GPC6: variants seen among roughly 807,000 people sequenced by gnomAD.
The protein encoded by GPC6 is glypican-6.
In GPC6, 14 loss-of-function variants were observed where a neutral mutation model predicts 55.2. The ratio of observed to expected loss-of-function variants is 0.25; its 90% CI spans 0.17 to 0.40. The LOEUF is 0.40. GPC6 is among the 10% of genes least tolerant of loss of function. The pLI is 1.00. For synonymous variants in GPC6, 278 were observed against 259.6 expected, an observed-to-expected ratio of 1.07 and a Z score of -0.68; for missense variants, 641 against 708.5, an observed-to-expected ratio of 0.90 and a Z score of 1.08.
chr13:93,707,040 G>C (rs1882876763), intron 2 of GPC6, among the ~76,000 whole-genome samples: 1 of 151,764 alleles, frequency 6.6e-6, no homozygotes, highest in East Asian at 1.9e-4. Flanking sequence ...TTCTGCTTTT[G>C]TTCTCTATTT....
intron 1 of GPC6, among the ~76,000 whole-genome samples, chr13:93,394,051 C>T (rs771844695): frequency 1.3e-5 from 2 of 152,168 alleles, no homozygotes; most frequent in African/African-American, 4.8e-5. Flanking sequence ...GTCATGTTCT[C>T]CTGAATGGAA....
At chr13:94,179,929 C>G (rs965184303) in intron 4 of GPC6, among the ~76,000 whole-genome samples, 6 of 152,026 alleles carry the variant, frequency 3.9e-5, no homozygotes, top group Non-Finnish European at 2.9e-5. Flanking sequence ...TGTTGCTATT[C>G]GTATTCAAAG....
intron 1 of GPC6, among the ~76,000 whole-genome samples, chr13:93,307,862 G>T (rs1878912096): frequency 1.3e-5 from 2 of 152,120 alleles, no homozygotes; most frequent in Non-Finnish European, 2.9e-5. Flanking sequence ...AATGATGACT[G>T]CAAGTTAAAG....
At chr13:94,027,599 A>T in intron 3 of GPC6, 130 bp from the exon 4 acceptor site, 4 of 796,962 alleles carry the variant, frequency 5.0e-6, no homozygotes, top group Non-Finnish European at 8.4e-6. Flanking sequence ...CAGGAATTGG[A>T]TGGATTCAAG....
At chr13:93,591,479 A>G (rs1181834338) in intron 2 of GPC6, among the ~76,000 whole-genome samples, 1 of 152,142 alleles carries the variant, frequency 6.6e-6, no homozygotes, top group Admixed American at 6.5e-5. Flanking sequence ...AAAAAAAAAA[A>G]AAAAAAGGAA....
intron 4 of GPC6, among the ~76,000 whole-genome samples, chr13:94,052,102 A>G (rs1883969246): frequency 6.6e-6 from 1 of 152,216 alleles, no homozygotes; most frequent in South Asian, 2.1e-4. Context: ...TAAATAAAGC[A>G]TCATGTTAAT....
At chr13:93,575,426 G>A (rs933422117) in intron 2 of GPC6, among the ~76,000 whole-genome samples, 4 of 152,096 alleles carry the variant, frequency 2.6e-5, no homozygotes, top group Admixed American at 6.6e-5. Context: ...GAATCACTTG[G>A]AGGGCTTGTT....
intron 2 of GPC6, among the ~76,000 whole-genome samples, chr13:93,815,036 A>G (rs1425141306): frequency 6.6e-6 from 1 of 152,202 alleles, no homozygotes; most frequent in African/African-American, 2.4e-5. Flanking sequence ...AGATTTTTAA[A>G]TAAGTTCCCT....
At chr13:94,018,853 C>T (rs542808168) in intron 3 of GPC6, among the ~76,000 whole-genome samples, 1 of 152,178 alleles carries the variant, frequency 6.6e-6, no homozygotes, top group African/African-American at 2.4e-5. Context: ...ACTGCATATG[C>T]AAGGGATCTA....
intron 3 of GPC6, among the ~76,000 whole-genome samples, chr13:93,996,294 G>A (rs1237899529): frequency 1.3e-5 from 2 of 152,280 alleles, no homozygotes; most frequent in Admixed American, 6.5e-5. Flanking sequence ...ATGAATACAG[G>A]CCCCTTTGGG....
intron 6 of GPC6, among the ~76,000 whole-genome samples, chr13:94,363,707 G>A (rs1487700433): frequency 6.6e-6 from 1 of 152,118 alleles, no homozygotes; most frequent in Non-Finnish European, 1.5e-5. Flanking sequence ...GCCATACATG[G>A]CTATTGACCA....
rs576110263 is a variant in GPC6 at position 93,797,766 on chromosome 13, G to A, written c.320-32388G>A. ...CACATTTTAAGTGTTAACTTCAGGT[G>A]AGAGACCATGAATTTAAACTGAGAT... On this transcript the variant is annotated intron_variant, in intron 2 of 8. Coordinates refer to ENST00000377047, the MANE Select transcript of GPC6 (RefSeq NM_005708.5). 1.2e-4 allele frequency among the ~76,000 whole-genome samples: 19 copies of A among 152,324 alleles called. 1 individual carries two copies. The South Asian group carries it at 3.9e-3, about 32-fold the overall frequency.
At chr13:93,901,466 A>G (rs1876346646) in intron 3 of GPC6, among the ~76,000 whole-genome samples, 1 of 151,970 alleles carries the variant, frequency 6.6e-6, no homozygotes, top group Non-Finnish European at 1.5e-5. Flanking sequence ...CCTTGAAAAG[A>G]CTCCCGTTTA....
intron 3 of GPC6, among the ~76,000 whole-genome samples, chr13:93,863,412 A>C (rs1264966740): frequency 6.6e-6 from 1 of 151,702 alleles, no homozygotes; most frequent in African/African-American, 2.4e-5. Context: ...TAGAAGTAGA[A>C]AATGAAATAA....
chr13:93,485,276 G>A (rs981088986), intron 1 of GPC6, among the ~76,000 whole-genome samples: 1 of 152,200 alleles, frequency 6.6e-6, no homozygotes, highest in Admixed American at 6.5e-5. Flanking sequence ...GCTTATGTGG[G>A]ACAGGCGGTG....
intron 2 of GPC6, among the ~76,000 whole-genome samples, chr13:93,653,819 G>A (rs1880534690): frequency 6.6e-6 from 1 of 152,038 alleles, no homozygotes. Context: ...AATAAAAATA[G>A]TTTTAGTTAC....
intron 1 of GPC6, among the ~76,000 whole-genome samples, chr13:93,370,261 A>T (rs899808131): frequency 3.9e-5 from 6 of 152,158 alleles, no homozygotes; most frequent in African/African-American, 1.4e-4. Flanking sequence ...TTAAAAATTC[A>T]TGCAAACAGA....
chr13:93,988,421 G>C (rs1446736604), intron 3 of GPC6, among the ~76,000 whole-genome samples: 1 of 152,088 alleles, frequency 6.6e-6, no homozygotes, highest in Non-Finnish European at 1.5e-5. Context: ...CTGCTATATA[G>C]AGAAGCACTA....
At position 94,125,384 on chromosome 13, in the gene GPC6, A is replaced by G. The variant is rs139101626; in HGVS notation, c.877+97490A>G. Among the ~76,000 whole-genome samples the G allele has an allele frequency of 1.3e-4, 20 of 152,242 alleles. 1 individual carries two copies. Among genetic ancestry groups the G allele is most frequent in the Non-Finnish European group, 2.8e-4 (19 of 68,018 alleles). ...ATAGCTCGTCTTATGATCCTATGAA[A>G]GGTGCCATGTGCATTTTTTTTCCCA... On this transcript the variant is annotated intron_variant, in intron 4 of 8. Coordinates refer to ENST00000377047, the MANE Select transcript of GPC6 (RefSeq NM_005708.5).
Sources: gnomAD v4.1 joint callset for allele counts (sites outside exome capture counted in the v4.1 genomes callset) on GRCh38, gnomAD v4.1.1 for gene constraint, MANE v1.5 for transcripts, NCBI Gene and HGNC (gene_info 2026-07-23, HGNC 2026-07-21) for gene names.